SLC38A10: variants seen among roughly 807,000 people sequenced by gnomAD.
SLC38A10 encodes the protein Sodium-coupled neutral amino acid transporter 10.
Under a neutral mutation model 81.0 loss-of-function variants are expected in SLC38A10, and 53 were observed. That is an observed-to-expected ratio of 0.65 (90% CI 0.53 to 0.82). SLC38A10 has a LOEUF of 0.82. Ranked by LOEUF, SLC38A10 falls within the 40% of genes least tolerant of loss-of-function variation. The pLI is 0.00. For synonymous variants in SLC38A10, 665 were observed against 655.3 expected (o/e 1.01, Z -0.23); for missense variants, 1,471 against 1,545.0 (o/e 0.95, Z 0.80).
chr17:81,259,406 C>T (rs536682599), intron 11 of SLC38A10, among the ~76,000 whole-genome samples: 58 of 152,200 alleles, frequency 3.8e-4, no homozygotes, highest in African/African-American at 5.1e-4. Flanking sequence ...ACCCAGCTGT[C>T]GTCAGAGGCA....
Position 81,283,308 on chromosome 17 carries a change from C to G in SLC38A10, c.357+101G>C, listed in dbSNP as rs1598403987. The G allele has an allele frequency of 2.8e-6, 3 of 1,072,788 alleles. No individual in the cohort carries two copies. The East Asian group carries it at 8.0e-5, about 29-fold the overall frequency. The allele number at this position is 1,072,788 out of a possible 1,614,324, so 66.5% of individuals were successfully genotyped here. On this transcript the variant is annotated intron_variant, in intron 4 of 15. Transcript: ENST00000374759. The surrounding 1 kb of genome is among the most constrained non-coding windows in gnomAD (Gnocchi z 4.7). ...GACAGCAGGCTCGACAGAAGCTTCT[C>G]CCGACCAGCACCCAGGTCTCGGTCC...
At chr17:81,252,018 G>A in intron 13 of SLC38A10, 177 bp downstream of exon 13, 1 of 868,786 alleles carries the variant, frequency 1.2e-6, no homozygotes, top group South Asian at 2.0e-5. Context: ...GTAGCTGTCA[G>A]CCACCAGCCT....
chr17:81,249,620 G>A (rs769147781), intron 14 of SLC38A10, among the ~76,000 whole-genome samples: 8 of 151,662 alleles, frequency 5.3e-5, no homozygotes, highest in Non-Finnish European at 5.9e-5. Flanking sequence ...GTGAAGCACC[G>A]TGGAGGAGAC....
At position 81,245,748 on chromosome 17, in the gene SLC38A10, A is replaced by C; in HGVS notation, c.3168T>G (p.Leu1056=). The C allele has an allele frequency of 6.3e-7, 1 of 1,595,802 alleles. No homozygotes were observed. Among genetic ancestry groups the C allele is most frequent in the Non-Finnish European group, 8.6e-7 (1 of 1,167,100 alleles). The part of the protein sequence containing the change: ...GSDLRRRRRD[L]GPHAEGQLAP... ...CCAGCTGACCCTCTGCATGAGGGCC[A>C]AGGTCCCGCCGTCGCCTCCGGAGGT... Residue 1056 remains leucine (L), a synonymous_variant, in exon 16 of 16, where the codon CTT becomes CTG. Coordinates refer to ENST00000374759, the MANE Select transcript of SLC38A10 (RefSeq NM_001037984.3).
At chr17:81,249,262 GA>G (rs2062882558) in intron 14 of SLC38A10, among the ~76,000 whole-genome samples, 1 of 81,682 alleles carries the variant, frequency 1.2e-5, no homozygotes, top group Admixed American at 1.2e-4. Context: ...GGAAGAGGAG[GA>G]GGGAGGAGGA....
rs1257010591 is a variant in SLC38A10 at position 81,270,720 on chromosome 17, G to A, written c.1131+198C>T. On this transcript the variant is annotated intron_variant, in intron 10 of 15. Transcript: ENST00000374759. The surrounding 1 kb of genome is among the most constrained non-coding windows in gnomAD (Gnocchi z 4.0). ...TGCACAGCTTGAGCAGCTTAGTGTG[G>A]CCCTGCTGGGCAAAGACCGTGCGTC... Among the ~76,000 whole-genome samples the A allele has an allele frequency of 6.6e-6, 1 of 152,204 alleles. No homozygotes were observed. The highest frequency in any genetic ancestry group is 1.5e-5 in the Non-Finnish European group (1 of 68,028).
In SLC38A10 at chr17:81,246,586, G is replaced by A; in HGVS notation, c.2330C>T (p.Pro777Leu). Residue 777 changes from proline (P) to leucine (L), a missense_variant, in exon 16 of 16, where the codon CCT becomes CTT. By Grantham distance (98) the Pro-to-Leu change is moderately conservative. This residue lies in a region of SLC38A10 where 751 missense variants were observed against 717.4 expected (regional missense o/e 1.05). Transcript: ENST00000374759. Reference sequence around the variant, plus strand: ...GAGGACAGGGTCCAAAGGCAGGGGAGGCAGATTCTCCACCGTCTCCCTGGC... The same window carrying A: ...GAGGACAGGGTCCAAAGGCAGGGGAAGCAGATTCTCCACCGTCTCCCTGGC... ...GKARETVENL[P>L]PLPLDPVLRA... The A allele has an allele frequency of 6.6e-7, 1 of 1,517,500 alleles. No individual in the cohort carries two copies. The highest frequency in any genetic ancestry group is 8.8e-7 in the Non-Finnish European group (1 of 1,135,016). 94.0% of individuals were successfully genotyped at this position (1,517,500 alleles called of 1,614,324 possible). A position where few individuals can be genotyped will look rare whatever the true frequency, so the allele number is the denominator to read the frequency against.
At chr17:81,269,323 A>G (rs1347881740) in intron 10 of SLC38A10, among the ~76,000 whole-genome samples, 1 of 151,430 alleles carries the variant, frequency 6.6e-6, no homozygotes, top group Admixed American at 6.6e-5. Context: ...GACCAGCCTG[A>G]CCAACATGGT....
chr17:81,272,223 G>A (rs2063122940), intron 9 of SLC38A10, among the ~76,000 whole-genome samples: 1 of 152,014 alleles, frequency 6.6e-6, no homozygotes, highest in African/African-American at 2.4e-5. Context: ...GTAGAGACGG[G>A]GTTTCTCCAC....
chr17:81,260,788 A>C (rs7214678), intron 10 of SLC38A10, among the ~76,000 whole-genome samples: 69,791 of 152,156 alleles, frequency 0.46, 18,252 homozygotes, highest in African/African-American at 0.72. Context: ...CCAGAAGCTG[A>C]AGGTACGTGA....
At chr17:81,260,549 C>T (rs961734123) in intron 10 of SLC38A10, among the ~76,000 whole-genome samples, 155 bp from the exon 11 acceptor site, 2 of 152,214 alleles carry the variant, frequency 1.3e-5, no homozygotes, top group Non-Finnish European at 2.9e-5. Context: ...GGCGTGCAGT[C>T]GGCCCTGCCT....
intron 8 of SLC38A10, among the ~76,000 whole-genome samples, chr17:81,275,075 TTTG>T (rs2063149024): frequency 6.6e-6 from 1 of 151,970 alleles, no homozygotes; most frequent in African/African-American, 2.4e-5. Flanking sequence ...GTGGCTAATT[TTTG>T]TTAATTTTTT....
chr17:81,289,678 G>T lies in SLC38A10; in HGVS notation c.217+13C>A. ...CCCAGGTCCAGAGCCACCTTGTGGA[G>T]AGGGCGCCTCACCCAGGCCGGCGTA... On this transcript the variant is annotated intron_variant, in intron 2 of 15. Transcript: ENST00000374759. This position sits in a 1 kb window ranked among gnomAD's most constrained non-coding sequence, Gnocchi z 5.9. The T allele has an allele frequency of 6.3e-7, 1 of 1,597,452 alleles. No individual in the cohort carries two copies. Among genetic ancestry groups the T allele is most frequent in the South Asian group, 1.1e-5 (1 of 89,660 alleles).
intron 9 of SLC38A10, among the ~76,000 whole-genome samples, chr17:81,271,435 G>A (rs1217226061): frequency 6.6e-6 from 1 of 152,222 alleles, no homozygotes; most frequent in East Asian, 1.9e-4. Flanking sequence ...CCTGCCAGGA[G>A]CCCAGACAGA....
At chr17:81,267,314 T>TA (rs556583063) in intron 10 of SLC38A10, among the ~76,000 whole-genome samples, 11 of 152,206 alleles carry the variant, frequency 7.2e-5, no homozygotes, top group South Asian at 6.2e-4. Context: ...AGATTTAAAT[T>TA]AAAAAAATGA....
chr17:81,276,879 C>T lies in SLC38A10; in HGVS notation c.729+152G>A. ...GGAAGCTGATGGAGCTGCCCCAGGT[C>T]CCCGCGCAGCCTCCAGACACTGGGA... On this transcript the variant is annotated intron_variant, in intron 7 of 15. Coordinates refer to ENST00000374759, the MANE Select transcript of SLC38A10 (RefSeq NM_001037984.3). This position sits in a 1 kb window ranked among gnomAD's most constrained non-coding sequence, Gnocchi z 4.7. 1.4e-6 allele frequency: 1 copy of T among 699,054 alleles called. No individual in the cohort carries two copies. The highest frequency in any genetic ancestry group is 2.4e-6 in the Non-Finnish European group (1 of 409,822). 43.3% of individuals were successfully genotyped at this position (699,054 alleles called of 1,614,324 possible).
In SLC38A10 at chr17:81,282,288, C is replaced by T. The variant is rs375311437; in HGVS notation, c.402G>A (p.Leu134=). 1 of 1,613,422 alleles carries T rather than the reference C, an allele frequency of 6.2e-7. No homozygotes were observed. Among genetic ancestry groups the T allele is most frequent in the Non-Finnish European group, 8.5e-7 (1 of 1,179,998 alleles). ...FRMFLLFAVS[L]CIVLPLSLQR... is the part of the protein sequence containing the mutation. ...GCAGGCTGAGCGGGAGCACGATGCA[C>T]AGCGACACGGCGAACAGCAGGAACA... Residue 134 remains leucine (L), a synonymous_variant, in exon 5 of 16, where the codon CTG becomes CTA. Coordinates refer to ENST00000374759, the MANE Select transcript of SLC38A10 (RefSeq NM_001037984.3).
Position 81,276,177 on chromosome 17 carries a change from G to A in SLC38A10, c.730-26C>T, listed in dbSNP as rs755985563. 7 of 1,583,096 alleles carry A rather than the reference G, an allele frequency of 4.4e-6. No homozygotes were observed. The highest frequency in any genetic ancestry group is 1.3e-5 in the African/African-American group (1 of 74,234). On this transcript the variant is annotated intron_variant, in intron 7 of 15. Coordinates refer to ENST00000374759, the MANE Select transcript of SLC38A10 (RefSeq NM_001037984.3). The surrounding 1 kb of genome is among the most constrained non-coding windows in gnomAD (Gnocchi z 4.7). ...CTGTTGGAGAATAAGAAATGGCAAC[G>A]TGGCAGACAGACATCCTAGCCGAGT...
chr17:81,294,574 C>A (rs974013865), intron 1 of SLC38A10, among the ~76,000 whole-genome samples: 1 of 152,198 alleles, frequency 6.6e-6, no homozygotes, highest in East Asian at 1.9e-4. Context: ...GCTTCGGTAT[C>A]GAGTTTTTGA....
Sources: gnomAD v4.1 joint callset for allele counts (sites outside exome capture counted in the v4.1 genomes callset) on GRCh38, gnomAD v4.1.1 for gene constraint, gnomAD v4.1.1 regional missense constraint, Gnocchi (gnomAD v3.1) non-coding constraint, MANE v1.5 for transcripts, NCBI Gene and HGNC (gene_info 2026-07-23, HGNC 2026-07-21) for gene names.